The following DCTN1 variants were observed in gnomAD, a reference collection of about 807,000 sequenced individuals.
The protein encoded by DCTN1 is 150 kDa dynein-associated polypeptide.
Under a neutral mutation model 161.2 loss-of-function variants are expected in DCTN1, and 61 were observed. That is an observed-to-expected ratio of 0.38 (90% CI 0.31 to 0.47). The LOEUF (loss-of-function observed/expected upper bound fraction) is 0.47, where lower values mean the gene tolerates loss of function less well. Among genes scored for constraint, DCTN1 ranks in the 20% least tolerant of loss-of-function variants. The pLI is 0.99. For synonymous variants in DCTN1, 653 were observed against 632.4 expected (o/e 1.03, Z -0.49); for missense variants, 1,404 against 1,623.7 (o/e 0.86, Z 2.33).
chr2:74,366,566 G>A lies in DCTN1; in HGVS notation c.2521C>T (p.Leu841=), dbSNP rs764699096. 2.5e-6 allele frequency: 4 copies of A among 1,613,694 alleles called. No homozygotes were observed. Among genetic ancestry groups the A allele is most frequent in the Non-Finnish European group, 3.4e-6 (4 of 1,180,006 alleles). The change falls in exon 22 of 32, where the codon CTG becomes TTG. Residue 841 remains leucine (L), a synonymous_variant. Transcript: ENST00000628224. ...GCAGCAGCAGCTGCCACCTCCTGCA[G>A]CACAGCCACGACCCACGTCAAGTGT... ...RKHLTWVVAV[L]QEVAAAAAQL...
Position 74,390,890 on chromosome 2 carries a change from C to G in DCTN1, c.-19+904G>C, listed in dbSNP as rs1675963768. On this transcript the variant is annotated intron_variant, in intron 1 of 27. Transcript: ENST00000409240. ...TCCCAAACGGTTCCCACATGTTAGCCAGAGGCATCACCCAAGAATAACAGT... is the reference window on the plus strand; with the variant it reads ...TCCCAAACGGTTCCCACATGTTAGCGAGAGGCATCACCCAAGAATAACAGT... 1.3e-5 allele frequency among the ~76,000 whole-genome samples: 2 copies of G among 152,146 alleles called. 1 individual carries two copies. Among genetic ancestry groups the G allele is most frequent in the East Asian group, 3.9e-4 (2 of 5,190 alleles).
chr2:74,382,594 CAAA>C (rs567355218), upstream of DCTN1, among the ~76,000 whole-genome samples: 1 of 66,956 alleles, frequency 1.5e-5, no homozygotes, highest in African/African-American at 5.1e-5. Flanking sequence ...GACTGAGACT[CAAA>C]AAAAAAAAAA....
At chr2:74,367,527 G>C (rs1558938089) in intron 18 of DCTN1, 107 bp from the exon 19 acceptor site, 14 of 1,499,864 alleles carry the variant, frequency 9.3e-6, no homozygotes, top group Non-Finnish European at 1.3e-5. Flanking sequence ...GGAGGTACAA[G>C]AGAATCCAAA....
intron 26 of DCTN1, chr2:74,364,001 G>GTGC: frequency 3.1e-6 from 1 of 324,644 alleles, no homozygotes; most frequent in Non-Finnish European, 5.9e-6. Context: ...TGCACCCTTA[G>GTGC]TGCTCACCAG....
chr2:74,373,162 C>T, intron 6 of DCTN1: 1 of 636,218 alleles, frequency 1.6e-6, no homozygotes, highest in Admixed American at 2.2e-5. Context: ...CCCTTGGTTC[C>T]TGCTCCCACT....
At chr2:74,382,196 A>G (rs1411535102), upstream of DCTN1, among the ~76,000 whole-genome samples, 2 of 152,248 alleles carry the variant, frequency 1.3e-5, no homozygotes, top group African/African-American at 4.8e-5. Context: ...CCACATAGGT[A>G]TCAATAGTCC....
Position 74,361,335 on chromosome 2 carries a change from T to G in DCTN1, c.*164A>C. ...GGGAATGGGAGTGGGGGAACCCGGGTCAAGGTGAAGGGGCAGGACGCTGAA... is the reference window on the plus strand; with the variant it reads ...GGGAATGGGAGTGGGGGAACCCGGGGCAAGGTGAAGGGGCAGGACGCTGAA... On this transcript the variant is annotated 3_prime_UTR_variant, in exon 32 of 32. Transcript: ENST00000628224. 2 of 992,638 alleles carry G rather than the reference T, an allele frequency of 2.0e-6. No individual in the cohort carries two copies. The highest frequency in any genetic ancestry group is 3.1e-6 in the Non-Finnish European group (2 of 652,474). The allele number at this position is 992,638 out of a possible 1,614,324, so 61.5% of individuals were successfully genotyped here. A position where few individuals can be genotyped will look rare whatever the true frequency, so the allele number is the denominator to read the frequency against.
At chr2:74,377,831 A>AG in intron 2 of DCTN1, 105 bp from the exon 3 acceptor site, 1 of 1,451,982 alleles carries the variant, frequency 6.9e-7, no homozygotes, top group South Asian at 1.1e-5. Flanking sequence ...CCAAGAGTAC[A>AG]GGGCAGCTTC....
chr2:74,370,151 G>T lies in DCTN1; in HGVS notation c.1287+35C>A. 2 of 1,613,696 alleles carry T rather than the reference G, an allele frequency of 1.2e-6. No homozygotes were observed. Among genetic ancestry groups the T allele is most frequent in the Non-Finnish European group, 1.7e-6 (2 of 1,180,018 alleles). On this transcript the variant is annotated intron_variant, in intron 12 of 31. Coordinates refer to ENST00000628224, the MANE Select transcript of DCTN1 (RefSeq NM_004082.5). The surrounding 1 kb of genome is among the most constrained non-coding windows in gnomAD (Gnocchi z 4.4). ...GCATCAACTGATAGGAGAGTCAGGTGGGGGATTCTGGGTGAGGGGCTGGGC... is the reference window on the plus strand; with the variant it reads ...GCATCAACTGATAGGAGAGTCAGGTTGGGGATTCTGGGTGAGGGGCTGGGC...
chr2:74,381,598 A>G (rs766807663), upstream of DCTN1, among the ~76,000 whole-genome samples: 2 of 152,164 alleles, frequency 1.3e-5, no homozygotes, highest in African/African-American at 2.4e-5. Context: ...TGGACCTCAC[A>G]TGTTCGGAGC....
At chr2:74,387,722 G>A (rs560602167) in intron 1 of DCTN1, among the ~76,000 whole-genome samples, 3 of 152,240 alleles carry the variant, frequency 2.0e-5, no homozygotes, top group Admixed American at 1.3e-4. Context: ...CCTAAACCAT[G>A]TCTATGATAT....
chr2:74,388,057 G>A (rs1381156343), intron 1 of DCTN1, among the ~76,000 whole-genome samples: 2 of 151,972 alleles, frequency 1.3e-5, no homozygotes, highest in African/African-American at 4.8e-5. Flanking sequence ...TGGTGGTGGT[G>A]CATGCCTATA....
upstream of DCTN1, among the ~76,000 whole-genome samples, chr2:74,384,629 G>C (rs932442349): frequency 2.6e-5 from 4 of 152,218 alleles, no homozygotes; most frequent in Non-Finnish European, 5.9e-5. Flanking sequence ...TGAAAAAGGA[G>C]AAAGTGAGGA....
chr2:74,369,918 T>C lies in DCTN1; in HGVS notation c.1392+47A>G, dbSNP rs778641116. The C allele has an allele frequency of 2.5e-6, 4 of 1,591,768 alleles. No homozygotes were observed. The highest frequency in any genetic ancestry group is 3.4e-6 in the Non-Finnish European group (4 of 1,160,522). On this transcript the variant is annotated intron_variant, in intron 13 of 31. Coordinates refer to ENST00000628224, the MANE Select transcript of DCTN1 (RefSeq NM_004082.5). The surrounding 1 kb of genome is among the most constrained non-coding windows in gnomAD (Gnocchi z 4.9). ...GGCCAAGGGTCACATGTCAATCTTT[T>C]TCTCAGCAGGTCCAAGTCAGATGTC...
rs1426458593 is a variant in DCTN1, at chr2:74,361,404, C to T, written c.*95G>A. ...AACGGGGCAGGAAGAGCTTAACCCA[C>T]GTTTCTACCTGGGGGCTGGCTGAGG... On this transcript the variant is annotated 3_prime_UTR_variant, in exon 32 of 32. Transcript: ENST00000628224. 3.8e-6 allele frequency: 6 copies of T among 1,571,814 alleles called. No individual in the cohort carries two copies. The highest frequency in any genetic ancestry group is 1.3e-5 in the African/African-American group (1 of 74,298).
chr2:74,377,447 T>G lies in DCTN1; in HGVS notation c.378A>C (p.Ala126=), dbSNP rs550520604. ...AATCACTCACCAGTTTGCTAGTCTT[T>G]GCAGTTGTATCAGTTCCCTCTGTAG... The part of the protein sequence containing the change: ...VLKREGTDTT[A]KTSKLRGLKP... Residue 126 remains alanine (A), a synonymous_variant, in exon 4 of 32, where the codon GCA becomes GCC. Coordinates refer to ENST00000628224, the MANE Select transcript of DCTN1 (RefSeq NM_004082.5). 8 of 1,613,640 alleles carry G rather than the reference T, an allele frequency of 5.0e-6. No homozygotes were observed. Among genetic ancestry groups the G allele is most frequent in the Non-Finnish European group, 5.9e-6 (7 of 1,179,644 alleles).
intron 1 of DCTN1, chr2:74,391,776 A>G (rs970262890): frequency 3.3e-5 from 15 of 453,260 alleles, no homozygotes; most frequent in African/African-American, 2.8e-4. Context: ...GACGGTTGGC[A>G]GAGTCGCGCC....
chr2:74,367,627 T>C, intron 18 of DCTN1, 69 bp downstream of exon 18: 1 of 1,606,712 alleles, frequency 6.2e-7, no homozygotes, highest in Non-Finnish European at 8.5e-7. Context: ...CTTGAATATA[T>C]TAGTAAGAGC....
In DCTN1 at chr2:74,367,842, C is replaced by T. The variant is rs1674538622; in HGVS notation, c.2038G>A (p.Asp680Asn). ...AGGCTGCCCACTTTCTTATACACATCCACACTGCACTGAGAGAGGGCACTA... is the reference window on the plus strand; with the variant it reads ...AGGCTGCCCACTTTCTTATACACATTCACACTGCACTGAGAGAGGGCACTA... Reference protein sequence around the residue: ...YEHALSQCSVDVYKKVGSLYP... With the variant: ...YEHALSQCSVNVYKKVGSLYP... The change falls in exon 18 of 32, where the codon GAT becomes AAT. Residue 680 changes from aspartate to asparagine, a missense_variant. By Grantham distance (23) the Asp-to-Asn change is conservative. This residue lies in a region of DCTN1 where 475 missense variants were observed against 489.8 expected (regional missense o/e 0.97). Transcript: ENST00000628224. The T allele has an allele frequency of 6.2e-7, 1 of 1,614,204 alleles. No individual in the cohort carries two copies. Among genetic ancestry groups the T allele is most frequent in the Non-Finnish European group, 8.5e-7 (1 of 1,180,036 alleles).
Sources: gnomAD v4.1 joint callset for allele counts (sites outside exome capture counted in the v4.1 genomes callset) on GRCh38, gnomAD v4.1.1 for gene constraint, gnomAD v4.1.1 regional missense constraint, Gnocchi (gnomAD v3.1) non-coding constraint, MANE v1.5 for transcripts, NCBI Gene and HGNC (gene_info 2026-07-23, HGNC 2026-07-21) for gene names.